GOLGA4: variants seen among roughly 807,000 people sequenced by gnomAD.
GOLGA4 encodes golgin A4, also known as golgin subfamily A member 4.
In GOLGA4, 169 loss-of-function variants were observed where a neutral mutation model predicts 265.9. The ratio of observed to expected loss-of-function variants is 0.64; its 90% CI spans 0.56 to 0.72. The LOEUF (loss-of-function observed/expected upper bound fraction) is 0.72, where lower values mean the gene tolerates loss of function less well. Among genes scored for constraint, GOLGA4 ranks in the 30% least tolerant of loss-of-function variants. The pLI is 0.00. For missense variants in GOLGA4, 2,482 were observed against 2,483.4 expected, an observed-to-expected ratio of 1.00 and a Z score of 0.01; for synonymous variants, 923 against 855.8, an observed-to-expected ratio of 1.08 and a Z score of -1.37.
intron 2 of GOLGA4, among the ~76,000 whole-genome samples, chr3:37,274,277 A>G (rs1469393698): frequency 6.6e-6 from 1 of 152,140 alleles, no homozygotes; most frequent in Non-Finnish European, 1.5e-5. Flanking sequence ...AGTATTCTCT[A>G]CTTTAAAGTG....
chr3:37,338,452 T>A (rs545808270), intron 19 of GOLGA4, among the ~76,000 whole-genome samples: 1 of 152,218 alleles, frequency 6.6e-6, no homozygotes, highest in African/African-American at 2.4e-5. Flanking sequence ...AATGTGACTT[T>A]ATTTTTTTGT....
At chr3:37,290,174 A>G (rs552983644) in intron 5 of GOLGA4, among the ~76,000 whole-genome samples, 34 of 152,342 alleles carry the variant, frequency 2.2e-4, no homozygotes, top group Non-Finnish European at 2.8e-4. Flanking sequence ...ATCTATAAAT[A>G]GTAATTGAGA....
intron 12 of GOLGA4, among the ~76,000 whole-genome samples, chr3:37,320,720 T>C (rs1395101238): frequency 6.6e-6 from 1 of 152,210 alleles, no homozygotes; most frequent in Non-Finnish European, 1.5e-5. Flanking sequence ...GGACCTACTC[T>C]GAGTTTTCAT....
At chr3:37,328,223 T>A (rs1403553526) in intron 14 of GOLGA4, among the ~76,000 whole-genome samples, 193 bp from the exon 15 acceptor site, 1 of 149,092 alleles carries the variant, frequency 6.7e-6, no homozygotes, top group African/African-American at 2.5e-5. Flanking sequence ...TCATAGTTGA[T>A]ATGTACCTGG....
At chr3:37,258,080 T>C (rs1402776283) in intron 2 of GOLGA4, among the ~76,000 whole-genome samples, 2 of 133,120 alleles carry the variant, frequency 1.5e-5, no homozygotes, top group African/African-American at 5.6e-5. Flanking sequence ...TATATATATA[T>C]GTGTGTATAT....
At chr3:37,327,872 TTAAG>T (rs1395115040) in intron 14 of GOLGA4, 47 bp downstream of exon 14, 1 of 1,440,904 alleles carries the variant, frequency 6.9e-7, no homozygotes, top group Admixed American at 2.1e-5. Flanking sequence ...TCCTTCTTAA[TTAAG>T]TCTCCTTTTT....
intron 3 of GOLGA4, 87 bp from the exon 4 acceptor site, chr3:37,285,927 G>T: frequency 1.4e-6 from 1 of 727,564 alleles, no homozygotes; most frequent in South Asian, 1.9e-5. Flanking sequence ...TTTATTTTTT[G>T]ACTTTCATAA....
intron 20 of GOLGA4, among the ~76,000 whole-genome samples, chr3:37,343,510 G>C (rs6769368): frequency 0.039 from 5,872 of 151,820 alleles, 145 homozygotes; most frequent in African/African-American, 0.057. Flanking sequence ...GCTGCTGCGC[G>C]CGGCCTGGCC....
chr3:37,343,509 C>A (rs1430911130), intron 20 of GOLGA4, among the ~76,000 whole-genome samples: 2 of 151,926 alleles, frequency 1.3e-5, no homozygotes, highest in Non-Finnish European at 2.9e-5. Context: ...AGCTGCTGCG[C>A]GCGGCCTGGC....
intron 12 of GOLGA4, chr3:37,319,651 C>G (rs1278925250): frequency 2.0e-5 from 3 of 152,274 alleles, no homozygotes; most frequent in African/African-American, 7.2e-5. Context: ...CTCCTGACCT[C>G]AAGTGATCCA....
At chr3:37,297,789 G>A (rs2096882377) in intron 7 of GOLGA4, among the ~76,000 whole-genome samples, 1 of 152,184 alleles carries the variant, frequency 6.6e-6, no homozygotes, top group Non-Finnish European at 1.5e-5. Context: ...CACTTTGGGA[G>A]GCTGAAGCAG....
At chr3:37,269,422 C>T (rs994991345) in intron 2 of GOLGA4, among the ~76,000 whole-genome samples, 7 of 152,046 alleles carry the variant, frequency 4.6e-5, no homozygotes, top group African/African-American at 1.4e-4. Context: ...TACCCCTGAA[C>T]TTAAAAGTTG....
intron 1 of GOLGA4, among the ~76,000 whole-genome samples, chr3:37,247,190 G>A (rs1444844912): frequency 2.0e-5 from 3 of 152,178 alleles, no homozygotes; most frequent in Non-Finnish European, 4.4e-5. Context: ...TTTAGAACTG[G>A]GATGTCAAAT....
chr3:37,364,767 A>C (rs2151102728), intron 23 of GOLGA4, among the ~76,000 whole-genome samples: 1 of 149,994 alleles, frequency 6.7e-6, no homozygotes, highest in South Asian at 2.1e-4. Flanking sequence ...TTTTAAAAAA[A>C]AGTTTGTAGA....
intron 6 of GOLGA4, 29 bp from the exon 7 acceptor site, chr3:37,296,057 CT>C: frequency 1.9e-6 from 3 of 1,603,904 alleles, no homozygotes; most frequent in Non-Finnish European, 2.6e-6. Flanking sequence ...TTTTTTTTGA[CT>C]TTTTTCTAAT....
rs2096877799 is a variant in GOLGA4, at chr3:37,296,168, G to A, written c.763G>A (p.Ala255Thr). The change falls in exon 7 of 24, where the codon GCT becomes ACT. Residue 255 changes from alanine (A) to threonine (T), a missense_variant. Physicochemically the swap from Ala to Thr is moderately conservative, Grantham distance 58 (BLOSUM62 0). Around this residue, in one of 3 missense-constraint regions of GOLGA4, gnomAD observed 1,536 missense variants for 1,483.7 expected, o/e 1.04. Transcript: ENST00000361924. ...LKPLPQLEPQ[A>T]EVFTKEENPE... is the part of the protein sequence containing the mutation. ...ACCACTTCCTCAGCTGGAACCACAG[G>A]CTGAAGTCTTCACTAAAGAAGAGAA... is the stretch of plus-strand genomic sequence containing the variant. The A allele has an allele frequency of 6.2e-7, 1 of 1,613,960 alleles. No homozygotes were observed. The highest frequency in any genetic ancestry group is 1.3e-5 in the African/African-American group (1 of 75,034).
rs542994955 is a variant in GOLGA4, at chr3:37,270,899, A to G, written c.163-11059A>G. Among the ~76,000 whole-genome samples the G allele has an allele frequency of 4.6e-5, 7 of 152,068 alleles. No individual in the cohort carries two copies. In the South Asian group the frequency reaches 1.5e-3, roughly 32 times the overall value. ...TGAAGTAATTATATAACTCGTGACAATGTAGAATCAGTGGGAGCCCTGAGC... is the reference window on the plus strand; with the variant it reads ...TGAAGTAATTATATAACTCGTGACAGTGTAGAATCAGTGGGAGCCCTGAGC... On this transcript the variant is annotated intron_variant, in intron 2 of 23. Coordinates refer to ENST00000361924, the MANE Select transcript of GOLGA4 (RefSeq NM_002078.5).
intron 11 of GOLGA4, among the ~76,000 whole-genome samples, 168 bp downstream of exon 11, chr3:37,315,766 G>A (rs532744529): frequency 6.6e-6 from 1 of 152,270 alleles, no homozygotes; most frequent in East Asian, 1.9e-4. Context: ...TTAATACTTA[G>A]GTAATTCTTT....
intron 23 of GOLGA4, among the ~76,000 whole-genome samples, chr3:37,363,948 A>G (rs767070568): frequency 5.3e-5 from 8 of 152,234 alleles, no homozygotes; most frequent in Non-Finnish European, 1.0e-4. Context: ...TACGGTTTCA[A>G]AATAAAAACT....
Sources: gnomAD v4.1 joint callset for allele counts (sites outside exome capture counted in the v4.1 genomes callset) on GRCh38, gnomAD v4.1.1 for gene constraint, gnomAD v4.1.1 regional missense constraint, MANE v1.5 for transcripts, NCBI Gene and HGNC (gene_info 2026-07-23, HGNC 2026-07-21) for gene names.